The following CDH18 variants were observed in gnomAD, a reference collection of about 807,000 sequenced individuals.
The protein encoded by CDH18 is cadherin 18, also known as cadherin-18.
In CDH18, 31 loss-of-function variants were observed where a neutral mutation model predicts 67.9. The observed-to-expected ratio is 0.46, with a 90% confidence interval of 0.34 to 0.62. The LOEUF (loss-of-function observed/expected upper bound fraction) is 0.62, where lower values mean the gene tolerates loss of function less well. Ranked by LOEUF, CDH18 falls within the 20% of genes least tolerant of loss-of-function variation. The probability of loss-of-function intolerance (pLI) is 0.01; values close to 1 mark genes in which losing one functional copy is unlikely to be tolerated. For synonymous variants in CDH18, 362 were observed against 347.2 expected (o/e 1.04, Z -0.48); for missense variants, 890 against 975.5 (o/e 0.91, Z 1.17).
intron 2 of CDH18, among the ~76,000 whole-genome samples, chr5:20,118,159 A>G (rs796284897): frequency 1.9e-4 from 29 of 152,342 alleles, no homozygotes; most frequent in African/African-American, 6.7e-4. Context: ...TACATTAAAA[A>G]TAGAGTTATA....
intron 6 of CDH18, among the ~76,000 whole-genome samples, chr5:19,601,079 T>A (rs760218239): frequency 1.1e-4 from 17 of 151,918 alleles, no homozygotes; most frequent in Non-Finnish European, 2.1e-4. Flanking sequence ...AAGGAAAAAA[T>A]AAATTCAAGC....
Position 20,231,743 on chromosome 5 carries a change from T to C in CDH18, c.-518+23701A>G, listed in dbSNP as rs1742095219. Among the ~76,000 whole-genome samples the C allele has an allele frequency of 2.0e-5, 3 of 152,288 alleles. No homozygotes were observed. In the South Asian group the frequency reaches 6.2e-4, roughly 32 times the overall value. Reference sequence around the variant, plus strand: ...CTAAAAATATTGCAAAGCTGAATGGTAACAAAAAGATGTGTTCTGATTCCC... The same window carrying C: ...CTAAAAATATTGCAAAGCTGAATGGCAACAAAAAGATGTGTTCTGATTCCC... On this transcript the variant is annotated intron_variant, in intron 2 of 14. Transcript: ENST00000507958.
chr5:20,392,647 G>A (rs920828896), intron 1 of CDH18, among the ~76,000 whole-genome samples: 15 of 151,860 alleles, frequency 9.9e-5, no homozygotes, highest in African/African-American at 1.4e-4. Flanking sequence ...TGATGAAGAC[G>A]GGTCTGGAAT....
At chr5:19,520,957 G>T (rs1746807430) in intron 9 of CDH18, among the ~76,000 whole-genome samples, 179 bp from the exon 10 acceptor site, 1 of 152,116 alleles carries the variant, frequency 6.6e-6, no homozygotes, top group Non-Finnish European at 1.5e-5. Flanking sequence ...ACAGGAAAAT[G>T]AAAAATGAAC....
intron 6 of CDH18, among the ~76,000 whole-genome samples, chr5:19,595,688 TA>T (rs1350470048): frequency 6.6e-6 from 1 of 152,212 alleles, no homozygotes; most frequent in Admixed American, 6.5e-5. Context: ...TGTGCATGTA[TA>T]GATACTAAGG....
At chr5:20,376,291 C>CACCGT (rs1743435341) in intron 1 of CDH18, among the ~76,000 whole-genome samples, 1 of 150,646 alleles carries the variant, frequency 6.6e-6, no homozygotes, top group Admixed American at 6.6e-5. Flanking sequence ...GACGGGGTTT[C>CACCGT]GTTAGCCAGG....
chr5:19,916,173 T>A (rs1170869080), intron 2 of CDH18, among the ~76,000 whole-genome samples: 12 of 152,098 alleles, frequency 7.9e-5, no homozygotes, highest in Admixed American at 7.9e-4. Flanking sequence ...TTCCTCAGCT[T>A]AAAACTATCA....
chr5:19,960,692 C>T lies in CDH18; in HGVS notation c.-257+20368G>A, dbSNP rs186375018. ...ATGTATATATATGTATACATATACA[C>T]GTGTATATATGTATATATGTATACA... On this transcript the variant is annotated intron_variant, in intron 2 of 12. Coordinates refer to ENST00000382275, the MANE Select transcript of CDH18 (RefSeq NM_004934.5). 2.1e-4 allele frequency among the ~76,000 whole-genome samples: 27 copies of T among 126,430 alleles called. No individual in the cohort carries two copies. The East Asian group carries it at 5.1e-3, about 24-fold the overall frequency. 82.9% of individuals were successfully genotyped at this position (126,430 alleles called of 152,430 possible).
At chr5:19,724,499 G>C (rs1439806988) in intron 4 of CDH18, among the ~76,000 whole-genome samples, 1 of 127,142 alleles carries the variant, frequency 7.9e-6, no homozygotes, top group South Asian at 3.1e-4. Flanking sequence ...GAGCACACTC[G>C]TACACACAGA....
At chr5:19,690,353 G>A (rs1468612656) in intron 5 of CDH18, among the ~76,000 whole-genome samples, 2 of 151,428 alleles carry the variant, frequency 1.3e-5, no homozygotes. Flanking sequence ...TCAAAAAATA[G>A]AAAGATTTTA....
chr5:20,563,052 A>C (rs17839228), intron 1 of CDH18, among the ~76,000 whole-genome samples: 21,000 of 151,560 alleles, frequency 0.14, 1,591 homozygotes, highest in Admixed American at 0.2. Context: ...ATAACACATG[A>C]AAAACTTAAC....
intron 2 of CDH18, among the ~76,000 whole-genome samples, chr5:19,886,643 G>C (rs1051375303): frequency 6.6e-6 from 1 of 152,168 alleles, no homozygotes; most frequent in Admixed American, 6.6e-5. Flanking sequence ...AGAAATATAT[G>C]ACATATATAG....
intron 9 of CDH18, among the ~76,000 whole-genome samples, chr5:19,538,006 G>C (rs1026526638): frequency 6.6e-6 from 1 of 152,096 alleles, no homozygotes; most frequent in Non-Finnish European, 1.5e-5. Context: ...AAAGATAAAA[G>C]GTAAAAAGTA....
In CDH18 at chr5:19,747,250, A is replaced by G. The variant is rs375319042; in HGVS notation, c.229-14T>C. The G allele has an allele frequency of 6.2e-7, 1 of 1,602,006 alleles. No homozygotes were observed. Among genetic ancestry groups the G allele is most frequent in the African/African-American group, 1.3e-5 (1 of 74,602 alleles). On this transcript the variant is annotated splice_polypyrimidine_tract_variant and intron_variant, in intron 3 of 12. Transcript: ENST00000382275. ...ATTGGAGTGCAGCTGTGAAATACAC[A>G]TGGAATAATTTAGCATATATTTATA... is the stretch of plus-strand genomic sequence containing the variant.
At chr5:19,756,700 T>A (rs1048608919) in intron 3 of CDH18, among the ~76,000 whole-genome samples, 3 of 152,248 alleles carry the variant, frequency 2.0e-5, no homozygotes, top group Non-Finnish European at 4.4e-5. Context: ...GTGGCAGTCT[T>A]AACTTATAGT....
At position 19,591,166 on chromosome 5, in the gene CDH18, G is replaced by C. The variant is rs762247882; in HGVS notation, c.890C>G (p.Thr297Ser). 2 of 1,612,528 alleles carry C rather than the reference G, an allele frequency of 1.2e-6. No individual in the cohort carries two copies. Among genetic ancestry groups the C allele is most frequent in the African/African-American group, 2.7e-5 (2 of 74,954 alleles). Residue 297 changes from threonine to serine, a missense_variant, in exon 7 of 13, where the codon ACT (threonine) becomes AGT (serine). Around this residue, in one of 2 missense-constraint regions of CDH18, gnomAD observed 656 missense variants for 668.1 expected, o/e 0.98. Transcript: ENST00000382275. ...VGKIKANDAD[T>S]GSNADMTYSI... ...GTAGGTCATGTCAGCATTTGAGCCA[G>C]TGTCAGCATCATTTGCCTTGATTTT... is the stretch of plus-strand genomic sequence containing the variant.
At chr5:19,703,052 TAAAACTCTG>T (rs1763476138) in intron 5 of CDH18, among the ~76,000 whole-genome samples, 2 of 35,552 alleles carry the variant, frequency 5.6e-5, no homozygotes, top group Admixed American at 1.1e-3. Flanking sequence ...AATATGTGCG[TAAAACTCTG>T]TTCATGGCTC....
chr5:20,132,947 T>C (rs187871748), intron 2 of CDH18, among the ~76,000 whole-genome samples: 12 of 152,222 alleles, frequency 7.9e-5, no homozygotes, highest in Admixed American at 5.9e-4. Flanking sequence ...TACTAGGCAG[T>C]CTGACAGTCT....
intron 4 of CDH18, 87 bp downstream of exon 4, chr5:19,746,855 T>G: frequency 9.9e-7 from 1 of 1,014,298 alleles, no homozygotes; most frequent in Non-Finnish European, 1.5e-6. Flanking sequence ...CAGATATATA[T>G]ATATAAGTAA....
Sources: allele counts gnomAD v4.1 joint callset (sites outside exome capture counted in the v4.1 genomes callset), GRCh38; gene constraint gnomAD v4.1.1; regional missense constraint gnomAD v4.1.1; transcripts MANE v1.5; gene names NCBI Gene and HGNC (gene_info 2026-07-23, HGNC 2026-07-21).